The following SPTBN4 variants were observed in gnomAD, a reference collection of about 807,000 sequenced individuals.
SPTBN4 encodes the protein spectrin beta, non-erythrocytic 4.
In SPTBN4, 96 loss-of-function variants were observed where a neutral mutation model predicts 277.8. The ratio of observed to expected loss-of-function variants is 0.35; its 90% CI spans 0.29 to 0.41. The LOEUF (loss-of-function observed/expected upper bound fraction) is 0.41. SPTBN4 is among the 10% of genes least tolerant of loss of function. SPTBN4 has a pLI of 1.00. For missense variants in SPTBN4, 3,006 were observed against 3,595.7 expected (o/e 0.84, Z 4.19); for synonymous variants, 1,481 against 1,580.3 (o/e 0.94, Z 1.49).
In SPTBN4 at chr19:40,513,024, G is replaced by T. The variant is rs1230157190; in HGVS notation, c.2235G>T (p.Ala745=). 5 of 1,424,406 alleles carry T rather than the reference G, an allele frequency of 3.5e-6. No homozygotes were observed. The highest frequency in any genetic ancestry group is 3.1e-5 in the East Asian group (1 of 32,238). 88.2% of individuals were successfully genotyped at this position (1,424,406 alleles called of 1,614,324 possible). A position where few individuals can be genotyped will look rare whatever the true frequency, so the allele number is the denominator to read the frequency against. ...ACACCGTGCACCTGGTAGGCCTGGC[G>T]GAGCGCGCGGCGAGCGCCCGGCGCC... ...GADTVHLVGL[A]ERAASARRRW... Residue 745 remains alanine, a synonymous_variant, in exon 14 of 36, where the codon GCG becomes GCT. Coordinates refer to ENST00000598249, the MANE Select transcript of SPTBN4 (RefSeq NM_020971.3).
At chr19:40,547,716 G>A (rs958893234) in intron 20 of SPTBN4, among the ~76,000 whole-genome samples, 6 of 152,078 alleles carry the variant, frequency 3.9e-5, no homozygotes, top group Non-Finnish European at 5.9e-5. Context: ...TTTAATGATC[G>A]CTATTCTAAC....
chr19:40,501,035 G>A (rs1236648687), intron 7 of SPTBN4, among the ~76,000 whole-genome samples: 2 of 152,094 alleles, frequency 1.3e-5, no homozygotes, highest in Non-Finnish European at 2.9e-5. Flanking sequence ...ATAACATGAG[G>A]ATTATCAACT....
rs1393655269 is a variant in SPTBN4, at chr19:40,560,392, C to T, written c.5904C>T (p.Ala1968=). ...MDGIASQIGA[A]DKPRDVSSVE... The stretch of plus-strand genomic sequence containing the variant: ...GCATCGCCAGCCAGATTGGGGCAGC[C>T]GACAAGCCCAGGTGCCCCTCATCCC... Residue 1968 remains alanine (A), a synonymous_variant, in exon 27 of 36, where the codon GCC becomes GCT. Transcript: ENST00000598249. The surrounding 1 kb of genome is among the most constrained non-coding windows in gnomAD (Gnocchi z 5.2). 3.0e-5 allele frequency: 48 copies of T among 1,613,950 alleles called. No individual in the cohort carries two copies. Among genetic ancestry groups the T allele is most frequent in the Non-Finnish European group, 4.0e-5 (47 of 1,180,038 alleles).
Position 40,554,685 on chromosome 19 carries a change from C to T in SPTBN4, c.5084+39C>T, listed in dbSNP as rs781451561. 7 of 1,588,952 alleles carry T rather than the reference C, an allele frequency of 4.4e-6. No homozygotes were observed. Among genetic ancestry groups the T allele is most frequent in the Non-Finnish European group, 6.0e-6 (7 of 1,168,760 alleles). On this transcript the variant is annotated intron_variant, in intron 24 of 35. Coordinates refer to ENST00000598249, the MANE Select transcript of SPTBN4 (RefSeq NM_020971.3). The surrounding 1 kb of genome is among the most constrained non-coding windows in gnomAD (Gnocchi z 5.7). ...TGGCCAGTTCACAGGAATGGTCCAG[C>T]AGGACCTGAAGCTTCGCTGTTGGGA...
At chr19:40,563,946 C>T (rs2081068596) in intron 27 of SPTBN4, among the ~76,000 whole-genome samples, 1 of 151,758 alleles carries the variant, frequency 6.6e-6, no homozygotes, top group South Asian at 2.1e-4. Context: ...ACTCGGGAGG[C>T]TGAGGCAGGA....
At chr19:40,499,896 G>A (rs1348017108) in intron 7 of SPTBN4, among the ~76,000 whole-genome samples, 1 of 151,814 alleles carries the variant, frequency 6.6e-6, no homozygotes, top group Non-Finnish European at 1.5e-5. Flanking sequence ...GTTGGACAAG[G>A]CAGTGAAGAA....
Position 40,504,098 on chromosome 19 carries a change from T to G in SPTBN4, c.1631T>G (p.Met544Arg). Residue 544 changes from methionine to arginine, a missense_variant, in exon 12 of 36, where the codon ATG becomes AGG. Around this residue, in one of 5 missense-constraint regions of SPTBN4, gnomAD observed 1,759 missense variants for 2,061.5 expected, o/e 0.85. Coordinates refer to ENST00000598249, the MANE Select transcript of SPTBN4 (RefSeq NM_020971.3). ...GCCCTGCAGAAGGTCTTCCAGGAGA[T>G]GGTGTACATGGTGGACTGGATGGAG... ...NLALQKVFQEMVYMVDWMEEM... is the reference protein window; with the variant it reads ...NLALQKVFQERVYMVDWMEEM... 6.9e-7 allele frequency: 1 copy of G among 1,439,580 alleles called. No homozygotes were observed. Among genetic ancestry groups the G allele is most frequent in the African/African-American group, 1.8e-5 (1 of 54,866 alleles). The allele number at this position is 1,439,580 out of a possible 1,614,324, so 89.2% of individuals were successfully genotyped here. A position where few individuals can be genotyped will look rare whatever the true frequency, so the allele number is the denominator to read the frequency against.
rs2081195017 is a variant in SPTBN4 at position 40,575,624 on chromosome 19, G to C, written c.*55G>C. ...GTCTCCCCTCTTTTCCGCACTGTGG[G>C]CACAAAGACACTTTTTCTTCCGCAG... On this transcript the variant is annotated 3_prime_UTR_variant, in exon 36 of 36. Coordinates refer to ENST00000598249, the MANE Select transcript of SPTBN4 (RefSeq NM_020971.3). 1 of 1,541,168 alleles carries C rather than the reference G, an allele frequency of 6.5e-7. No homozygotes were observed. The highest frequency in any genetic ancestry group is 1.9e-5 in the Admixed American group (1 of 52,512).
chr19:40,531,464 GTTTTTTTTTTTTTT>G lies in SPTBN4; in HGVS notation c.3949-1139_3949-1126del, dbSNP rs71173645. On this transcript the variant is annotated intron_variant, in intron 18 of 35. Coordinates refer to ENST00000598249, the MANE Select transcript of SPTBN4 (RefSeq NM_020971.3). ...ACCGCGGAGCTGGAGTCCAGTGTTT[GTTTTTTTTTTTTTT>G]TTTTTTTTTTTTTTTTTTTTTGCAG... Among the ~76,000 whole-genome samples the G allele has an allele frequency of 7.3e-4, 30 of 40,930 alleles. No homozygotes were observed. In the East Asian group the frequency reaches 0.022, roughly 31 times the overall value. 26.9% of individuals were successfully genotyped at this position (40,930 alleles called of 152,430 possible).
chr19:40,557,527 A>G, intron 26 of SPTBN4, 124 bp downstream of exon 26: 1 of 1,141,198 alleles, frequency 8.8e-7, no homozygotes, highest in Non-Finnish European at 1.2e-6. Context: ...AAAGCGGACT[A>G]CAGAACAGGA....
At chr19:40,518,575 GGT>G (rs2080486296) in intron 15 of SPTBN4, among the ~76,000 whole-genome samples, 1 of 151,862 alleles carries the variant, frequency 6.6e-6, no homozygotes. Flanking sequence ...TGGGACCATA[GGT>G]GTGCACCCCC....
chr19:40,472,036 G>C (rs148631332), intron 1 of SPTBN4, among the ~76,000 whole-genome samples: 2 of 149,516 alleles, frequency 1.3e-5, no homozygotes, highest in Non-Finnish European at 3.0e-5. Context: ...TCAGCCTCCC[G>C]AGTAGCTGGG....
chr19:40,540,769 G>A (rs566565529), intron 20 of SPTBN4, among the ~76,000 whole-genome samples: 13 of 137,392 alleles, frequency 9.5e-5, no homozygotes, highest in Middle Eastern at 4.5e-3. Flanking sequence ...AGCTGTGATC[G>A]TGTCACTGCA....
At chr19:40,573,897 C>T (rs1001506583) in intron 35 of SPTBN4, among the ~76,000 whole-genome samples, 2 of 151,948 alleles carry the variant, frequency 1.3e-5, no homozygotes, top group Non-Finnish European at 2.9e-5. Flanking sequence ...GTCAGGAGAT[C>T]GAGACCATCC....
At chr19:40,561,650 C>T (rs576086389) in intron 27 of SPTBN4, among the ~76,000 whole-genome samples, 27 of 151,928 alleles carry the variant, frequency 1.8e-4, no homozygotes, top group African/African-American at 3.9e-4. Flanking sequence ...GGCAAAACTC[C>T]GTCTCTACTA....
intron 2 of SPTBN4, among the ~76,000 whole-genome samples, chr19:40,473,354 G>GTTTTTTTTTTTT (rs61584591): frequency 5.0e-5 from 5 of 99,094 alleles, no homozygotes; most frequent in Non-Finnish European, 9.8e-5. Context: ...CTGGCCTGGT[G>GTTTTTTTTTTTT]TTTTTTTTTT....
chr19:40,524,938 T>C lies in SPTBN4; in HGVS notation c.3857+1299T>C, dbSNP rs1041408361. On this transcript the variant is annotated intron_variant, in intron 17 of 35. Transcript: ENST00000598249. ...ACAACACCACCACCTCCAGCCATCA[T>C]GGGAAGTCCTTTCTCATCTTCCAGA... Among the ~76,000 whole-genome samples the C allele has an allele frequency of 5.3e-4, 80 of 152,206 alleles. 1 individual carries two copies. Among genetic ancestry groups the C allele is most frequent in the African/African-American group, 1.9e-3 (78 of 41,450 alleles).
Position 40,569,936 on chromosome 19 carries a change from CCACACACACA to C in SPTBN4, c.7026+239_7026+248del, listed in dbSNP as rs60074818. Reference sequence around the variant, plus strand: ...TACCTAAGAGACCCCTACTGCCCCTCCACACACACACACACACACACACACACACACACAC... The same window carrying C: ...TACCTAAGAGACCCCTACTGCCCCTCCACACACACACACACACACACACAC... On this transcript the variant is annotated intron_variant, in intron 32 of 35. Transcript: ENST00000598249. Among the ~76,000 whole-genome samples the C allele has an allele frequency of 3.7e-3, 485 of 131,486 alleles. 4 individuals carry two copies. The highest frequency in any genetic ancestry group is 0.01 in the African/African-American group (338 of 33,720). The allele number at this position is 131,486 out of a possible 152,430, so 86.3% of individuals were successfully genotyped here. A position where few individuals can be genotyped will look rare whatever the true frequency, so the allele number is the denominator to read the frequency against.
intron 26 of SPTBN4, among the ~76,000 whole-genome samples, chr19:40,558,537 C>T (rs1177097346): frequency 2.0e-5 from 3 of 152,074 alleles, no homozygotes; most frequent in Non-Finnish European, 4.4e-5. Flanking sequence ...GCTGCAGGCC[C>T]AATACAACTC....
Sources: allele counts gnomAD v4.1 joint callset (sites outside exome capture counted in the v4.1 genomes callset), GRCh38; gene constraint gnomAD v4.1.1; regional missense constraint gnomAD v4.1.1; non-coding constraint Gnocchi (gnomAD v3.1); transcripts MANE v1.5; gene names NCBI Gene and HGNC (gene_info 2026-07-23, HGNC 2026-07-21).